CADM2: variants seen among roughly 807,000 people sequenced by gnomAD.
CADM2 encodes the protein cell adhesion molecule 2, also known as immunoglobulin superfamily member 4D.
In CADM2, 12 loss-of-function variants were observed where a neutral mutation model predicts 49.8. That is an observed-to-expected ratio of 0.24 (90% CI 0.15 to 0.39). The LOEUF (loss-of-function observed/expected upper bound fraction) is 0.39. Ranked by LOEUF, CADM2 falls within the 10% of genes least tolerant of loss-of-function variation. The pLI, the probability that CADM2 is intolerant of heterozygous loss-of-function variation, is 1.00. For synonymous variants in CADM2, 214 were observed against 175.4 expected, an observed-to-expected ratio of 1.22 and a Z score of -1.74; for missense variants, 378 against 492.3, an observed-to-expected ratio of 0.77 and a Z score of 2.20.
At chr3:85,450,007 G>A (rs1161521015) in intron 1 of CADM2, among the ~76,000 whole-genome samples, 2 of 152,144 alleles carry the variant, frequency 1.3e-5, no homozygotes. Context: ...TGGGATGTCA[G>A]AGCAAGGTTA....
At chr3:85,924,065 A>C (rs2108510118) in intron 6 of CADM2, among the ~76,000 whole-genome samples, 1 of 152,294 alleles carries the variant, frequency 6.6e-6, no homozygotes, top group African/African-American at 2.4e-5. Context: ...AAAGAAACAT[A>C]GTGTCACCAA....
At chr3:85,896,667 A>G (rs1426485241) in intron 5 of CADM2, among the ~76,000 whole-genome samples, 1 of 152,202 alleles carries the variant, frequency 6.6e-6, no homozygotes, top group African/African-American at 2.4e-5. Flanking sequence ...ATGTTTGGCC[A>G]TTAAGCTCGA....
chr3:84,987,120 A>C (rs2032616973), intron 1 of CADM2, among the ~76,000 whole-genome samples: 1 of 151,862 alleles, frequency 6.6e-6, no homozygotes, highest in South Asian at 2.1e-4. Context: ...AGTTCAATGG[A>C]ATGTGTTAGG....
chr3:85,542,305 C>A (rs1357215720), intron 1 of CADM2, among the ~76,000 whole-genome samples: 1 of 152,002 alleles, frequency 6.6e-6, no homozygotes, highest in South Asian at 2.1e-4. Flanking sequence ...TGTTCTTATT[C>A]CCCCAAAAGG....
intron 1 of CADM2, among the ~76,000 whole-genome samples, chr3:85,554,407 G>A (rs977949774): frequency 2.6e-5 from 4 of 152,042 alleles, no homozygotes; most frequent in African/African-American, 7.2e-5. Flanking sequence ...ACCGGTTGGC[G>A]GCACAAAGGT....
chr3:85,670,298 A>G (rs1268620355), intron 1 of CADM2, among the ~76,000 whole-genome samples: 1 of 152,222 alleles, frequency 6.6e-6, no homozygotes, highest in Non-Finnish European at 1.5e-5. Flanking sequence ...GAGAATAACT[A>G]AGTAGAAACA....
At chr3:85,127,781 A>C (rs959337654) in intron 1 of CADM2, among the ~76,000 whole-genome samples, 6 of 152,156 alleles carry the variant, frequency 3.9e-5, no homozygotes, top group African/African-American at 1.2e-4. Context: ...GGGCTCCCCT[A>C]TCTCTGACAC....
rs1414560212 is a variant in CADM2, at chr3:85,825,725, C to T, written c.238+23529C>T. Among the ~76,000 whole-genome samples, 4 of 151,894 alleles carry T rather than the reference C, an allele frequency of 2.6e-5. 1 individual carries two copies. The highest frequency in any genetic ancestry group is 4.4e-5 in the Non-Finnish European group (3 of 67,954). The stretch of plus-strand genomic sequence containing the variant: ...AACTTTGTTTTTTAGTCACTGTGTA[C>T]CGATTTTTTAAAAATGTTATGACAG... On this transcript the variant is annotated intron_variant, in intron 3 of 9. Transcript: ENST00000383699.
intron 1 of CADM2, among the ~76,000 whole-genome samples, chr3:85,309,420 G>A (rs149564535): frequency 2.0e-5 from 3 of 152,194 alleles, no homozygotes; most frequent in African/African-American, 7.2e-5. Flanking sequence ...CATGCAATTT[G>A]CTTAGCCTCT....
At chr3:85,457,550 C>G (rs1353870818) in intron 1 of CADM2, among the ~76,000 whole-genome samples, 3 of 152,262 alleles carry the variant, frequency 2.0e-5, no homozygotes, top group East Asian at 3.9e-4. Flanking sequence ...CTATCATCAT[C>G]TCATCTCAGC....
At chr3:85,789,588 C>A (rs1228820222) in intron 2 of CADM2, among the ~76,000 whole-genome samples, 1 of 152,038 alleles carries the variant, frequency 6.6e-6, no homozygotes, top group Non-Finnish European at 1.5e-5. Flanking sequence ...CAAAAGTAGC[C>A]TGGTGAATAT....
At chr3:85,394,019 T>C (rs759613149) in intron 1 of CADM2, among the ~76,000 whole-genome samples, 5 of 152,070 alleles carry the variant, frequency 3.3e-5, no homozygotes, top group Non-Finnish European at 7.4e-5. Flanking sequence ...AAGCTCTCGA[T>C]CTCCTGACCT....
intron 1 of CADM2, among the ~76,000 whole-genome samples, chr3:85,591,831 A>G (rs1576883905): frequency 2.0e-5 from 3 of 152,158 alleles, no homozygotes; most frequent in African/African-American, 7.2e-5. Context: ...AATTCTATAT[A>G]GAGAAAATAA....
chr3:85,583,140 T>A (rs1461757803), intron 1 of CADM2, among the ~76,000 whole-genome samples: 1 of 152,130 alleles, frequency 6.6e-6, no homozygotes, highest in Non-Finnish European at 1.5e-5. Context: ...CAACTGGCAG[T>A]CTTTGAGTCC....
intron 1 of CADM2, among the ~76,000 whole-genome samples, chr3:85,189,322 G>T (rs776306833): frequency 6.7e-6 from 1 of 148,620 alleles, no homozygotes; most frequent in Non-Finnish European, 1.5e-5. Flanking sequence ...GAAGTTGCAA[G>T]TTTTTTTTTT....
intron 1 of CADM2, among the ~76,000 whole-genome samples, chr3:85,147,161 G>C (rs2039771111): frequency 6.6e-6 from 1 of 151,262 alleles, no homozygotes; most frequent in Non-Finnish European, 1.5e-5. Context: ...TGTAGTCCCA[G>C]CTACTCAGGA....
intron 1 of CADM2, among the ~76,000 whole-genome samples, chr3:85,164,856 A>G (rs1576021807): frequency 2.6e-5 from 4 of 152,128 alleles, no homozygotes; most frequent in Admixed American, 2.6e-4. Flanking sequence ...TTCAAGCTTG[A>G]TAAGAGCATG....
intron 1 of CADM2, among the ~76,000 whole-genome samples, chr3:85,462,798 C>T (rs2038307677): frequency 6.6e-6 from 1 of 152,132 alleles, no homozygotes; most frequent in Non-Finnish European, 1.5e-5. Context: ...GTATATATTG[C>T]ACACTCCCAT....
At chr3:85,345,313 C>A (rs1172257914) in intron 1 of CADM2, among the ~76,000 whole-genome samples, 121 of 47,164 alleles carry the variant, frequency 2.6e-3, no homozygotes, top group African/African-American at 5.0e-3. Flanking sequence ...GTCTCCATCT[C>A]AAAAAAAAAA....
Sources: gnomAD v4.1 joint callset for allele counts (sites outside exome capture counted in the v4.1 genomes callset) on GRCh38, gnomAD v4.1.1 for gene constraint, MANE v1.5 for transcripts, NCBI Gene and HGNC (gene_info 2026-07-23, HGNC 2026-07-21) for gene names.